CUBN: variants seen among roughly 807,000 people sequenced by gnomAD.
The protein encoded by CUBN is 460 kDa receptor.
CUBN carries 282 observed loss-of-function variants against 405.3 expected under a neutral mutation model. The observed-to-expected ratio is 0.70, with a 90% CI of 0.63 to 0.77. The LOEUF (loss-of-function observed/expected upper bound fraction) is 0.77. Ranked by LOEUF, CUBN falls within the 30% of genes least tolerant of loss-of-function variation. CUBN has a pLI of 0.00. For missense variants in CUBN, 4,514 were observed against 4,475.2 expected, an observed-to-expected ratio of 1.01 and a Z score of -0.25; for synonymous variants, 1,684 against 1,617.0, an observed-to-expected ratio of 1.04 and a Z score of -0.99.
rs139724058 is a variant in CUBN at position 16,940,185 on chromosome 10, G to C, written c.5395C>G (p.Arg1799Gly). Residue 1799 changes from arginine (R) to glycine (G), a missense_variant, in exon 37 of 67, where the codon CGT becomes GGT. Transcript: ENST00000377833. The part of the protein sequence containing the change: ...QDCSRDFVEI[R>G]EGNATGHLVG... ...AAGTGACCCGTGGCATTTCCTTCAC[G>C]GATCTCCACAAAATCTCTGCTGCAG... 6 of 1,613,874 alleles carry C rather than the reference G, an allele frequency of 3.7e-6. No individual in the cohort carries two copies. In the Admixed American group the frequency reaches 5.0e-5, roughly 13 times the overall value.
At chr10:16,968,565 T>C (rs182172735) in intron 31 of CUBN, among the ~76,000 whole-genome samples, 104 of 152,314 alleles carry the variant, frequency 6.8e-4, no homozygotes, top group African/African-American at 2.5e-3. Context: ...GCAAAGAGGA[T>C]GCTGGAAGCA....
chr10:16,846,711 C>T (rs1839518458), intron 60 of CUBN, among the ~76,000 whole-genome samples: 1 of 151,702 alleles, frequency 6.6e-6, no homozygotes, highest in African/African-American at 2.4e-5. Flanking sequence ...ACTTGGGAGG[C>T]CGAGGCAGGA....
intron 60 of CUBN, among the ~76,000 whole-genome samples, chr10:16,850,872 T>C (rs992785347): frequency 7.9e-5 from 12 of 152,220 alleles, no homozygotes; most frequent in Non-Finnish European, 2.9e-5. Flanking sequence ...TAAGAGGTGA[T>C]TATTTGTGTC....
chr10:16,933,359 G>A, intron 39 of CUBN, 75 bp from the exon 40 acceptor site: 1 of 1,345,062 alleles, frequency 7.4e-7, no homozygotes, highest in Non-Finnish European at 1.1e-6. Flanking sequence ...TCACTTGAAA[G>A]TGACAGCCCT....
At position 17,115,512 on chromosome 10, in the gene CUBN, G is replaced by T. The variant is rs1419440377; in HGVS notation, c.679C>A (p.His227Asn). The change falls in exon 7 of 67, where the codon CAT becomes AAT. Residue 227 changes from histidine to asparagine, a missense_variant. Physicochemically the swap from His to Asn is moderately conservative, Grantham distance 68. Coordinates refer to ENST00000377833, the MANE Select transcript of CUBN (RefSeq NM_001081.4). The part of the protein sequence containing the change: ...CEGGSVARCV[H>N]GICEDLMREQ... ...CGCATTAAATCCTCACAGATGCCATGGACACAGCGTGCCACAGAACCCCCT... is the reference window on the plus strand; with the variant it reads ...CGCATTAAATCCTCACAGATGCCATTGACACAGCGTGCCACAGAACCCCCT... 1 of 1,614,098 alleles carries T rather than the reference G, an allele frequency of 6.2e-7. No individual in the cohort carries two copies. The highest frequency in any genetic ancestry group is 1.1e-5 in the South Asian group (1 of 91,078).
chr10:16,840,520 G>A lies in CUBN; in HGVS notation c.9842C>T (p.Thr3281Ile), dbSNP rs758538084. Reference sequence around the variant, plus strand: ...TTGTGGGGTCCAAGTTGCATTGTATGTTCCACCACAAGGCACTGGAGAGGG... The same window carrying A: ...TTGTGGGGTCCAAGTTGCATTGTATATTCCACCACAAGGCACTGGAGAGGG... ...YTIMDMPCGG[T>I]YNATWTPQNI... The change falls in exon 62 of 67, where the codon ACA becomes ATA. Residue 3281 changes from threonine to isoleucine, a missense_variant. By Grantham distance (89) the Thr-to-Ile change is moderately conservative. Transcript: ENST00000377833. 18 of 1,597,522 alleles carry A rather than the reference G, an allele frequency of 1.1e-5. 1 individual carries two copies. In the Middle Eastern group the frequency reaches 5.0e-4, roughly 44 times the overall value.
intron 10 of CUBN, among the ~76,000 whole-genome samples, chr10:17,106,613 A>C (rs1836637336): frequency 6.6e-6 from 1 of 151,256 alleles, no homozygotes; most frequent in South Asian, 2.1e-4. Flanking sequence ...AAAAAAAAAA[A>C]AGCCCTATAT....
At chr10:16,884,548 T>A (rs985134528) in intron 56 of CUBN, among the ~76,000 whole-genome samples, 1 of 152,168 alleles carries the variant, frequency 6.6e-6, no homozygotes, top group African/African-American at 2.4e-5. Flanking sequence ...CTGTAGTTCA[T>A]GGAATGTCTA....
chr10:17,110,361 T>G (rs923296092), intron 9 of CUBN, among the ~76,000 whole-genome samples: 1 of 152,232 alleles, frequency 6.6e-6, no homozygotes, highest in Non-Finnish European at 1.5e-5. Context: ...ACTTTTCAAA[T>G]TCTGCATTAT....
chr10:17,016,936 C>T lies in CUBN; in HGVS notation c.4168+2897G>A, dbSNP rs536969171. Among the ~76,000 whole-genome samples, 126 of 152,284 alleles carry T rather than the reference C, an allele frequency of 8.3e-4. 1 individual carries two copies. Among genetic ancestry groups the T allele is most frequent in the Non-Finnish European group, 1.6e-3 (108 of 68,016 alleles). On this transcript the variant is annotated intron_variant, in intron 28 of 66. Coordinates refer to ENST00000377833, the MANE Select transcript of CUBN (RefSeq NM_001081.4). Reference sequence around the variant, plus strand: ...CTTCCCTCTTACAGAAAAGGCCAAGCTGCAGGATAGTATTGTAATTTATAC... The same window carrying T: ...CTTCCCTCTTACAGAAAAGGCCAAGTTGCAGGATAGTATTGTAATTTATAC...
At chr10:17,061,454 C>T (rs1027453687) in intron 22 of CUBN, among the ~76,000 whole-genome samples, 7 of 152,178 alleles carry the variant, frequency 4.6e-5, no homozygotes, top group Non-Finnish European at 1.0e-4. Flanking sequence ...AATTTGAGAA[C>T]ACTACACTCC....
At chr10:16,982,805 T>C (rs1833312668) in intron 30 of CUBN, 152 bp from the exon 31 acceptor site, 1 of 736,154 alleles carries the variant, frequency 1.4e-6, no homozygotes, top group Admixed American at 2.1e-5. Flanking sequence ...CATTAAGCCA[T>C]TTATCCCAAC....
chr10:16,897,840 C>T (rs1841234912), intron 54 of CUBN, among the ~76,000 whole-genome samples: 1 of 152,134 alleles, frequency 6.6e-6, no homozygotes, highest in Admixed American at 6.5e-5. Flanking sequence ...ACATCCCACT[C>T]GGCAGCAGCG....
intron 27 of CUBN, among the ~76,000 whole-genome samples, chr10:17,025,211 T>A (rs1313907710): frequency 6.6e-6 from 1 of 152,228 alleles, no homozygotes; most frequent in Non-Finnish European, 1.5e-5. Flanking sequence ...TTCTACTCAA[T>A]GAAAAGATGA....
chr10:16,854,948 CCCTT>C (rs1470908356), intron 59 of CUBN, among the ~76,000 whole-genome samples: 3 of 145,710 alleles, frequency 2.1e-5, no homozygotes, highest in Admixed American at 6.8e-5. Flanking sequence ...CTCCCTCCCT[CCCTT>C]CCTCTCTTCC....
chr10:16,974,724 C>A (rs1262790921), intron 31 of CUBN, among the ~76,000 whole-genome samples: 1 of 152,176 alleles, frequency 6.6e-6, no homozygotes, highest in Non-Finnish European at 1.5e-5. Context: ...CACTTAAACA[C>A]AGATTTTCTT....
intron 13 of CUBN, 82 bp from the exon 14 acceptor site, chr10:17,100,321 C>A (rs1836468692): frequency 1.1e-6 from 1 of 882,302 alleles, no homozygotes; most frequent in East Asian, 2.6e-5. Context: ...AGGCAGCATT[C>A]ATACTGAGGC....
intron 3 of CUBN, among the ~76,000 whole-genome samples, chr10:17,127,431 ATTTTTTTTTTTTTT>A (rs71268608): frequency 1.2e-5 from 1 of 85,924 alleles, no homozygotes; most frequent in African/African-American, 4.6e-5. Flanking sequence ...ATGCCCAGCT[ATTTTTTTTTTTTTT>A]TTTTTTTTTG....
chr10:16,843,110 C>T (rs1310548348), intron 60 of CUBN, among the ~76,000 whole-genome samples: 3 of 152,210 alleles, frequency 2.0e-5, no homozygotes, highest in Non-Finnish European at 2.9e-5. Context: ...GTAAGTCCCA[C>T]GTGTGGGGAG....
Sources: gnomAD v4.1 joint callset for allele counts (sites outside exome capture counted in the v4.1 genomes callset) on GRCh38, gnomAD v4.1.1 for gene constraint, MANE v1.5 for transcripts, NCBI Gene and HGNC (gene_info 2026-07-23, HGNC 2026-07-21) for gene names.